GRID1: variants seen among roughly 807,000 people sequenced by gnomAD.
The protein encoded by GRID1 is glutamate ionotropic receptor delta type subunit 1.
A neutral mutation model predicts 98.0 loss-of-function variants in GRID1; 28 were observed. The observed-to-expected ratio is 0.29, with a 90% CI of 0.21 to 0.39. The LOEUF (loss-of-function observed/expected upper bound fraction) is 0.39. Among genes scored for constraint, GRID1 ranks in the 10% least tolerant of loss-of-function variants. The pLI is 1.00. For missense variants in GRID1, 1,111 were observed against 1,340.5 expected, an observed-to-expected ratio of 0.83 and a Z score of 2.67; for synonymous variants, 553 against 538.5, an observed-to-expected ratio of 1.03 and a Z score of -0.37.
At chr10:85,682,775 G>T (rs1484440144) in intron 12 of GRID1, among the ~76,000 whole-genome samples, 1 of 152,198 alleles carries the variant, frequency 6.6e-6, no homozygotes, top group Non-Finnish European at 1.5e-5. Flanking sequence ...ACAGCCTTGG[G>T]CAGATTGAGT....
intron 2 of GRID1, among the ~76,000 whole-genome samples, chr10:86,274,039 G>A (rs1327924162): frequency 6.6e-6 from 1 of 152,178 alleles, no homozygotes; most frequent in South Asian, 2.1e-4. Context: ...GGTTTTTATG[G>A]TTGTAGGTCT....
chr10:85,869,314 C>G, intron 5 of GRID1, 134 bp from the exon 6 acceptor site: 4 of 707,530 alleles, frequency 5.7e-6, no homozygotes, highest in Non-Finnish European at 7.5e-6. Flanking sequence ...CCAGGTCACA[C>G]AGTTCATTAG....
intron 4 of GRID1, among the ~76,000 whole-genome samples, chr10:85,956,704 TG>T (rs1384799370): frequency 6.6e-6 from 1 of 152,136 alleles, no homozygotes; most frequent in African/African-American, 2.4e-5. Flanking sequence ...TAATGGAAAA[TG>T]CCCTTTCTCC....
chr10:85,625,312 C>A (rs767151029), intron 13 of GRID1, among the ~76,000 whole-genome samples: 1 of 152,256 alleles, frequency 6.6e-6, no homozygotes, highest in African/African-American at 2.4e-5. Context: ...CAACAGGACA[C>A]AAAGGCCTGG....
intron 4 of GRID1, among the ~76,000 whole-genome samples, chr10:86,059,829 C>A (rs75993212): frequency 0.044 from 6,667 of 152,108 alleles, 170 homozygotes; most frequent in Middle Eastern, 0.068. Flanking sequence ...CTTTAAAAAG[C>A]AATATCAGAA....
At chr10:85,731,629 T>G (rs1488006655) in intron 8 of GRID1, among the ~76,000 whole-genome samples, 1 of 151,766 alleles carries the variant, frequency 6.6e-6, no homozygotes, top group Non-Finnish European at 1.5e-5. Context: ...GGTGAAATAC[T>G]GCCTCTATAA....
intron 2 of GRID1, among the ~76,000 whole-genome samples, chr10:86,275,272 A>G (rs542484149): frequency 4.6e-5 from 7 of 151,534 alleles, no homozygotes; most frequent in Admixed American, 1.3e-4. Context: ...TTCAACAACT[A>G]AAAAAAAACA....
intron 4 of GRID1, among the ~76,000 whole-genome samples, chr10:85,965,230 A>G (rs1277272783): frequency 6.6e-6 from 1 of 152,228 alleles, no homozygotes; most frequent in Non-Finnish European, 1.5e-5. Flanking sequence ...CAGTGTGGCA[A>G]TTCCTCAAGG....
At chr10:86,089,375 C>T (rs1203356686) in intron 4 of GRID1, among the ~76,000 whole-genome samples, 1 of 146,874 alleles carries the variant, frequency 6.8e-6, no homozygotes, top group Non-Finnish European at 1.5e-5. Context: ...AGAACCTGGA[C>T]TTCATTTGGA....
chr10:86,198,677 C>T (rs957588880), intron 3 of GRID1, among the ~76,000 whole-genome samples: 4 of 152,152 alleles, frequency 2.6e-5, no homozygotes, highest in Admixed American at 2.0e-4. Flanking sequence ...GATATGGCAG[C>T]GGAGCTGGGA....
At chr10:86,311,653 C>T (rs1379857364) in intron 2 of GRID1, among the ~76,000 whole-genome samples, 1 of 152,158 alleles carries the variant, frequency 6.6e-6, no homozygotes, top group Non-Finnish European at 1.5e-5. Flanking sequence ...TCTCTCTCTC[C>T]CTCTGCCCTT....
chr10:85,724,409 C>T lies in GRID1; in HGVS notation c.1801G>A (p.Ala601Thr), dbSNP rs768247766. 1 of 1,614,046 alleles carries T rather than the reference C, an allele frequency of 6.2e-7. No homozygotes were observed. Among genetic ancestry groups the T allele is most frequent in the African/African-American group, 1.3e-5 (1 of 74,924 alleles). ...AQSAAQPRPSASATLHSAIWI... is the reference protein window; with the variant it reads ...AQSAAQPRPSTSATLHSAIWI... ...ATGGCGCTGTGCAGAGTGGCAGAAGCTGACGGCCTGGGCTGGGCAGCACTC... is the reference window on the plus strand; with the variant it reads ...ATGGCGCTGTGCAGAGTGGCAGAAGTTGACGGCCTGGGCTGGGCAGCACTC... Residue 601 changes from alanine to threonine, a missense_variant, in exon 11 of 16, where the codon GCT (alanine) becomes ACT (threonine). Ala to Thr is a moderately conservative substitution (Grantham distance 58). Coordinates refer to ENST00000327946, the MANE Select transcript of GRID1 (RefSeq NM_017551.3).
At position 85,800,286 on chromosome 10, in the gene GRID1, G is replaced by A. The variant is rs566874246; in HGVS notation, c.1233+54210C>T. Among the ~76,000 whole-genome samples, 521 of 152,030 alleles carry A rather than the reference G, an allele frequency of 3.4e-3. 4 individuals carry two copies. Among genetic ancestry groups the A allele is most frequent in the South Asian group, 0.011 (55 of 4,828 alleles). On this transcript the variant is annotated intron_variant, in intron 8 of 15. Transcript: ENST00000327946. The stretch of plus-strand genomic sequence containing the variant: ...CACAATTTAATGAGCATATAGTTGC[G>A]TATCAGACAATATAAAAACACACAT...
chr10:86,116,239 C>G (rs180958618), intron 4 of GRID1, among the ~76,000 whole-genome samples: 7 of 152,294 alleles, frequency 4.6e-5, no homozygotes, highest in African/African-American at 1.7e-4. Context: ...TGGCTGTAGT[C>G]AGTAAGTGCT....
At chr10:86,305,611 AC>A (rs1212290918) in intron 2 of GRID1, among the ~76,000 whole-genome samples, 1 of 152,084 alleles carries the variant, frequency 6.6e-6, no homozygotes, top group Non-Finnish European at 1.5e-5. Flanking sequence ...CTGCATGCAG[AC>A]ATTTCTCGGT....
In GRID1 at chr10:85,929,307, C is replaced by T. The variant is rs758255237; in HGVS notation, c.727-13068G>A. On this transcript the variant is annotated intron_variant, in intron 4 of 15. Transcript: ENST00000327946. ...ACTCAAAGGTTTAACTCACTCCCCA[C>T]GAGAACAGCAGTGTTGGGGTCCACC... 3.9e-5 allele frequency among the ~76,000 whole-genome samples: 6 copies of T among 152,214 alleles called. No homozygotes were observed. The South Asian group carries it at 6.2e-4, about 16-fold the overall frequency.
At chr10:85,999,914 A>C (rs566620566) in intron 4 of GRID1, among the ~76,000 whole-genome samples, 2 of 152,234 alleles carry the variant, frequency 1.3e-5, no homozygotes, top group African/African-American at 4.8e-5. Context: ...AGAACAAAAA[A>C]AGGTAAAGAT....
intron 3 of GRID1, among the ~76,000 whole-genome samples, chr10:86,156,999 G>A (rs1234842900): frequency 6.6e-6 from 1 of 152,168 alleles, no homozygotes; most frequent in East Asian, 1.9e-4. Flanking sequence ...GCACTCAGGG[G>A]AAGAGTGAAC....
At chr10:85,644,816 T>G (rs1026404458) in intron 13 of GRID1, among the ~76,000 whole-genome samples, 1 of 152,246 alleles carries the variant, frequency 6.6e-6, no homozygotes, top group African/African-American at 2.4e-5. Context: ...ACTCCACGTC[T>G]TCTTCACCGC....
Sources: gnomAD v4.1 joint callset for allele counts (sites outside exome capture counted in the v4.1 genomes callset) on GRCh38, gnomAD v4.1.1 for gene constraint, MANE v1.5 for transcripts, NCBI Gene and HGNC (gene_info 2026-07-23, HGNC 2026-07-21) for gene names.